CEP112: variants seen among roughly 807,000 people sequenced by gnomAD.
CEP112 encodes centrosomal protein of 112 kDa.
Under a neutral mutation model 153.0 loss-of-function variants are expected in CEP112, and 127 were observed. That is an observed-to-expected ratio of 0.83 (90% confidence interval 0.72 to 0.96). The LOEUF (loss-of-function observed/expected upper bound fraction) is 0.96. Among genes scored for constraint, CEP112 ranks in the 40% least tolerant of loss-of-function variants. CEP112 has a pLI of 0.00. For synonymous variants in CEP112, 358 were observed against 374.4 expected, an observed-to-expected ratio of 0.96 and a Z score of 0.51; for missense variants, 1,089 against 1,101.2, an observed-to-expected ratio of 0.99 and a Z score of 0.16.
At chr17:65,886,720 A>G (rs1235023205) in intron 20 of CEP112, among the ~76,000 whole-genome samples, 1 of 152,218 alleles carries the variant, frequency 6.6e-6, no homozygotes, top group East Asian at 1.9e-4. Flanking sequence ...TTTCATGTAC[A>G]TGGAACAATA....
At chr17:65,852,874 T>C (rs1319540335) in intron 20 of CEP112, among the ~76,000 whole-genome samples, 1 of 152,168 alleles carries the variant, frequency 6.6e-6, no homozygotes, top group Non-Finnish European at 1.5e-5. Flanking sequence ...ATTTCTTCTT[T>C]TCTGATTTAT....
At chr17:66,057,597 C>T (rs2066745615) in intron 11 of CEP112, among the ~76,000 whole-genome samples, 1 of 152,214 alleles carries the variant, frequency 6.6e-6, no homozygotes, top group Non-Finnish European at 1.5e-5. Flanking sequence ...AATATACACA[C>T]ACACATACAT....
At chr17:65,837,496 C>A (rs562433582) in intron 21 of CEP112, among the ~76,000 whole-genome samples, 15 of 152,006 alleles carry the variant, frequency 9.9e-5, no homozygotes, top group African/African-American at 2.9e-4. Context: ...CCCGCTGCCA[C>A]CCCGTCTGGG....
At chr17:65,912,810 T>A (rs982921491) in intron 19 of CEP112, among the ~76,000 whole-genome samples, 1 of 152,158 alleles carries the variant, frequency 6.6e-6, no homozygotes, top group African/African-American at 2.4e-5. Context: ...AATAGACAGA[T>A]TTTTCTACAG....
chr17:65,793,012 C>T (rs1216694274), intron 21 of CEP112, among the ~76,000 whole-genome samples: 7 of 151,912 alleles, frequency 4.6e-5, no homozygotes, highest in Non-Finnish European at 8.8e-5. Context: ...ATGTCCAAAT[C>T]GAAGCTCCTG....
intron 23 of CEP112, among the ~76,000 whole-genome samples, chr17:65,692,119 C>T (rs1050403786): frequency 6.6e-6 from 1 of 152,142 alleles, no homozygotes; most frequent in Non-Finnish European, 1.5e-5. Context: ...CAATTTTGTG[C>T]ACCCAGTATT....
intron 6 of CEP112, among the ~76,000 whole-genome samples, chr17:66,104,803 A>G (rs1405788648): frequency 6.6e-6 from 1 of 152,118 alleles, no homozygotes; most frequent in African/African-American, 2.4e-5. Context: ...AAATGCTTTT[A>G]TCCTGGAATA....
At chr17:66,104,500 G>A (rs1187048150) in intron 6 of CEP112, among the ~76,000 whole-genome samples, 1 of 152,190 alleles carries the variant, frequency 6.6e-6, no homozygotes, top group Non-Finnish European at 1.5e-5. Flanking sequence ...CGTGGGCCTG[G>A]GGTAAGACTT....
At position 65,927,528 on chromosome 17, in the gene CEP112, A is replaced by G. The variant is rs1393528796; in HGVS notation, c.1980+54T>C. 4 of 963,348 alleles carry G rather than the reference A, an allele frequency of 4.2e-6. No homozygotes were observed. In the African/African-American group the frequency reaches 5.1e-5, roughly 12 times the overall value. The allele number at this position is 963,348 out of a possible 1,614,324, so 59.7% of individuals were successfully genotyped here. On this transcript the variant is annotated intron_variant, in intron 19 of 26. Transcript: ENST00000535342. ...TTTGTGATAGTGATTTTTAAAAGAT[A>G]AATCATATATGTATTTTAAAAATTT...
chr17:65,978,480 C>T (rs1028116773), intron 17 of CEP112, among the ~76,000 whole-genome samples: 3 of 152,178 alleles, frequency 2.0e-5, no homozygotes, highest in Admixed American at 6.5e-5. Flanking sequence ...CTTGAACAAT[C>T]GGTGAAATCT....
chr17:65,723,391 T>C, intron 23 of CEP112, among the ~76,000 whole-genome samples: 1 of 152,168 alleles, frequency 6.6e-6, no homozygotes. Flanking sequence ...GAATAATTAG[T>C]TTTTTAGGCA....
chr17:65,821,532 ATATATATATTTTTTTTTTTTTTT>A (rs1185200354), intron 21 of CEP112, among the ~76,000 whole-genome samples: 2 of 26,676 alleles, frequency 7.5e-5, no homozygotes, highest in Non-Finnish European at 1.4e-4. Context: ...ATATATATAT[ATATATATATTTTTTTTTTTTTTT>A]TTTTTTTTTT....
At position 65,798,424 on chromosome 17, in the gene CEP112, G is replaced by A. The variant is rs1253856568; in HGVS notation, c.2395-47700C>T. ...TGAAGTCATCAGTAAGATCCACCAT[G>A]CATCATAATCTGGTTCCCCATTTTT... On this transcript the variant is annotated intron_variant, in intron 21 of 26. Transcript: ENST00000535342. 2.6e-5 allele frequency among the ~76,000 whole-genome samples: 4 copies of A among 152,116 alleles called. No homozygotes were observed. The East Asian group carries it at 7.7e-4, about 29-fold the overall frequency.
intron 4 of CEP112, among the ~76,000 whole-genome samples, chr17:66,137,838 G>C (rs1425124554): frequency 6.6e-6 from 1 of 152,114 alleles, no homozygotes; most frequent in Non-Finnish European, 1.5e-5. Context: ...AAGTTGAAAT[G>C]AAAGGACACT....
At chr17:66,107,891 A>G (rs1008360984) in intron 6 of CEP112, among the ~76,000 whole-genome samples, 1 of 152,226 alleles carries the variant, frequency 6.6e-6, no homozygotes, top group Non-Finnish European at 1.5e-5. Context: ...ACCTGACTTC[A>G]AACTATAGTA....
At chr17:66,176,565 C>T (rs959011632) in intron 3 of CEP112, 1 of 269,040 alleles carries the variant, frequency 3.7e-6, no homozygotes, top group Non-Finnish European at 6.8e-6. Context: ...AAAAGTAAAG[C>T]TCAATATAAA....
chr17:65,688,959 G>A (rs1219451908), intron 24 of CEP112, 170 bp downstream of exon 24: 2 of 491,462 alleles, frequency 4.1e-6, no homozygotes, highest in Non-Finnish European at 7.4e-6. Context: ...GTAGAGACAG[G>A]GTTTCACCAT....
chr17:65,833,541 T>C (rs1247482774), intron 21 of CEP112, among the ~76,000 whole-genome samples: 1 of 152,102 alleles, frequency 6.6e-6, no homozygotes, highest in African/African-American at 2.4e-5. Flanking sequence ...AAATCACTAG[T>C]ATTCCTGTAC....
chr17:66,006,682 G>A (rs1044133787), intron 16 of CEP112, among the ~76,000 whole-genome samples: 42 of 152,100 alleles, frequency 2.8e-4, no homozygotes, highest in Non-Finnish European at 1.5e-4. Flanking sequence ...GACATTTTAC[G>A]GATCTTAAAA....
Sources: allele counts gnomAD v4.1 joint callset (sites outside exome capture counted in the v4.1 genomes callset), GRCh38; gene constraint gnomAD v4.1.1; transcripts MANE v1.5; gene names NCBI Gene and HGNC (gene_info 2026-07-23, HGNC 2026-07-21).